NELL2: variants seen among roughly 807,000 people sequenced by gnomAD.
NELL2 encodes the protein protein kinase C-binding protein NELL2.
A neutral mutation model predicts 109.6 loss-of-function variants in NELL2; 41 were observed. That is an observed-to-expected ratio of 0.37 (90% CI 0.29 to 0.49). The LOEUF (loss-of-function observed/expected upper bound fraction) is 0.49. Among genes scored for constraint, NELL2 ranks in the 20% least tolerant of loss-of-function variants. NELL2 has a pLI of 0.98. For synonymous variants in NELL2, 355 were observed against 344.7 expected (o/e 1.03, Z -0.33); for missense variants, 900 against 1,008.3 (o/e 0.89, Z 1.45).
chr12:44,813,462 T>G (rs1329790095), intron 3 of NELL2, among the ~76,000 whole-genome samples: 2 of 152,046 alleles, frequency 1.3e-5, no homozygotes, highest in Non-Finnish European at 2.9e-5. Context: ...AACCATAGAC[T>G]GAATAAGTAA....
chr12:44,800,430 T>C (rs958393241), intron 3 of NELL2, among the ~76,000 whole-genome samples: 4 of 152,156 alleles, frequency 2.6e-5, no homozygotes, highest in Non-Finnish European at 5.9e-5. Flanking sequence ...AATTTCCAGA[T>C]GCCTAAGTGG....
intron 13 of NELL2, among the ~76,000 whole-genome samples, chr12:44,635,126 GTTGT>G (rs754114945): frequency 4.6e-5 from 7 of 152,154 alleles, no homozygotes; most frequent in South Asian, 2.1e-4. Context: ...TTTTGATGGG[GTTGT>G]TTGTTTTTTT....
chr12:44,567,433 C>A (rs2136190850), intron 15 of NELL2, among the ~76,000 whole-genome samples: 1 of 152,116 alleles, frequency 6.6e-6, no homozygotes, highest in African/African-American at 2.4e-5. Flanking sequence ...AAAAATTGTT[C>A]TTGAAATAGA....
At chr12:44,704,002 A>G in intron 11 of NELL2, 148 bp from the exon 12 acceptor site, 1 of 643,120 alleles carries the variant, frequency 1.6e-6, no homozygotes, top group Non-Finnish European at 2.6e-6. Context: ...GAAGAATCAC[A>G]TGCTATGAGT....
intron 9 of NELL2, among the ~76,000 whole-genome samples, chr12:44,772,740 C>T (rs983962216): frequency 1.3e-5 from 2 of 151,930 alleles, no homozygotes; most frequent in Non-Finnish European, 2.9e-5. Context: ...GATAAAGTCG[C>T]TTAATACTTA....
chr12:44,635,134 T>C (rs1753392032), intron 13 of NELL2, among the ~76,000 whole-genome samples: 1 of 151,702 alleles, frequency 6.6e-6, no homozygotes, highest in African/African-American at 2.4e-5. Flanking sequence ...GGGTTGTTTG[T>C]TTTTTTCTTG....
At chr12:44,870,447 T>C (rs1945129774) in intron 2 of NELL2, among the ~76,000 whole-genome samples, 1 of 152,168 alleles carries the variant, frequency 6.6e-6, no homozygotes, top group African/African-American at 2.4e-5. Context: ...TCGTTTCCTA[T>C]TGCTGCTCAA....
At chr12:44,540,513 C>G (rs1942506297) in intron 15 of NELL2, among the ~76,000 whole-genome samples, 1 of 151,958 alleles carries the variant, frequency 6.6e-6, no homozygotes. Flanking sequence ...CTGGAAGTAG[C>G]TGAGTTAATT....
intron 13 of NELL2, among the ~76,000 whole-genome samples, chr12:44,620,810 C>G (rs1460437325): frequency 6.6e-6 from 1 of 152,116 alleles, no homozygotes; most frequent in Non-Finnish European, 1.5e-5. Flanking sequence ...CACTAAATAG[C>G]TCTTGTTTGG....
intron 15 of NELL2, among the ~76,000 whole-genome samples, chr12:44,576,235 C>T (rs147741417): frequency 6.6e-6 from 1 of 152,350 alleles, no homozygotes; most frequent in Admixed American, 6.5e-5. Flanking sequence ...ACGTGGATGG[C>T]CACTTTCGTA....
At chr12:44,788,802 A>G (rs1322753867) in intron 3 of NELL2, among the ~76,000 whole-genome samples, 1 of 151,972 alleles carries the variant, frequency 6.6e-6, no homozygotes, top group Non-Finnish European at 1.5e-5. Flanking sequence ...CTGGAAACAG[A>G]CTCGGGGCTG....
At chr12:44,564,292 G>C (rs1187401615) in intron 15 of NELL2, among the ~76,000 whole-genome samples, 1 of 152,104 alleles carries the variant, frequency 6.6e-6, no homozygotes, top group Admixed American at 6.6e-5. Context: ...TTTTGTAATG[G>C]GGCAGCATTT....
chr12:44,885,243 C>A (rs768008217), intron 1 of NELL2, among the ~76,000 whole-genome samples: 24 of 151,760 alleles, frequency 1.6e-4, no homozygotes, highest in Admixed American at 4.6e-4. Flanking sequence ...CATGCCACTG[C>A]ACTCCAGCCT....
chr12:44,671,923 A>G (rs1948152877), intron 12 of NELL2, among the ~76,000 whole-genome samples: 1 of 152,190 alleles, frequency 6.6e-6, no homozygotes, highest in East Asian at 1.9e-4. Flanking sequence ...CAAAGATATG[A>G]ACAATTTACC....
intron 9 of NELL2, among the ~76,000 whole-genome samples, chr12:44,762,313 T>C (rs1266413698): frequency 1.3e-5 from 2 of 152,290 alleles, no homozygotes; most frequent in Middle Eastern, 3.4e-3. Context: ...CTCTGTCCTC[T>C]TACTTCCTTG....
At chr12:44,689,020 CAAT>C (rs770788199) in intron 12 of NELL2, among the ~76,000 whole-genome samples, 3 of 152,170 alleles carry the variant, frequency 2.0e-5, no homozygotes, top group Non-Finnish European at 4.4e-5. Flanking sequence ...ACCAGAAATT[CAAT>C]AATATTACAG....
chr12:44,828,049 T>C lies in NELL2; in HGVS notation c.185-11913A>G, dbSNP rs887138671. Among the ~76,000 whole-genome samples the C allele has an allele frequency of 3.3e-5, 5 of 152,336 alleles. No individual in the cohort carries two copies. In the East Asian group the frequency reaches 7.7e-4, roughly 24 times the overall value. ...ATCTCATTGTAGTTTTGATTTGCAG[T>C]TCTCTGATGATCAATGATGTTGAGC... On this transcript the variant is annotated intron_variant, in intron 2 of 19. Coordinates refer to ENST00000429094, the MANE Select transcript of NELL2 (RefSeq NM_001145108.2).
At chr12:44,564,738 T>C (rs147438164) in intron 15 of NELL2, among the ~76,000 whole-genome samples, 43 of 152,368 alleles carry the variant, frequency 2.8e-4, no homozygotes, top group Non-Finnish European at 5.1e-4. Context: ...TTGTGTTATT[T>C]TGGTTTTCCT....
chr12:44,768,587 C>G (rs116688174), intron 9 of NELL2, among the ~76,000 whole-genome samples: 1 of 151,908 alleles, frequency 6.6e-6, no homozygotes, highest in Non-Finnish European at 1.5e-5. Context: ...GAGAAAAGAC[C>G]GTCCAGACCA....
Sources: allele counts gnomAD v4.1 joint callset (sites outside exome capture counted in the v4.1 genomes callset), GRCh38; gene constraint gnomAD v4.1.1; transcripts MANE v1.5; gene names NCBI Gene and HGNC (gene_info 2026-07-23, HGNC 2026-07-21).